Variants in KDM6A observed in about 807,000 individuals in gnomAD.
KDM6A encodes lysine-specific demethylase 6A.
A neutral mutation model predicts 117.6 loss-of-function variants in KDM6A; 11 were observed. The ratio of observed to expected loss-of-function variants is 0.09; its 90% confidence interval spans 0.06 to 0.15. The LOEUF is 0.15. Ranked by LOEUF, KDM6A falls within the 10% of genes least tolerant of loss-of-function variation. The probability of loss-of-function intolerance (pLI) is 1.00; values close to 1 mark genes in which losing one functional copy is unlikely to be tolerated. For missense variants in KDM6A, 799 were observed against 1,077.3 expected (o/e 0.74, Z 3.62); for synonymous variants, 384 against 396.1 (o/e 0.97, Z 0.36).
intron 5 of KDM6A, among the ~76,000 whole-genome samples, chrX:45,016,663 C>T (rs1454837547): frequency 9.0e-6 from 1 of 110,536 alleles, no homozygotes; most frequent in Non-Finnish European, 1.9e-5. Context: ...CCACGCCCAG[C>T]TAATTTTTGT....
chrX:44,928,859 C>T (rs1024435311), intron 2 of KDM6A, among the ~76,000 whole-genome samples: 4 of 111,583 alleles, frequency 3.6e-5, no homozygotes, highest in Non-Finnish European at 5.7e-5. Context: ...TTCAGCAAAC[C>T]TCAAATGCAC....
chrX:45,062,441 G>C (rs1277110609), intron 15 of KDM6A, among the ~76,000 whole-genome samples: 2 of 112,086 alleles, frequency 1.8e-5, no homozygotes, highest in Non-Finnish European at 3.8e-5. Flanking sequence ...AGTAAATCTT[G>C]TTCAGATGAA....
intron 2 of KDM6A, among the ~76,000 whole-genome samples, chrX:44,913,590 A>C (rs1207054118): frequency 9.0e-6 from 1 of 110,916 alleles, no homozygotes; most frequent in Non-Finnish European, 1.9e-5. Flanking sequence ...GACATGAGCC[A>C]CCATGCCCGG....
intron 2 of KDM6A, among the ~76,000 whole-genome samples, chrX:44,917,400 A>G (rs923011918): frequency 8.0e-5 from 9 of 111,843 alleles, no homozygotes; most frequent in Non-Finnish European, 1.5e-4. Context: ...CAACACACAC[A>G]TACCTTGAGA....
chrX:45,037,171 G>A (rs1032119629), intron 7 of KDM6A, among the ~76,000 whole-genome samples: 2 of 112,059 alleles, frequency 1.8e-5, no homozygotes, highest in Non-Finnish European at 3.8e-5. Flanking sequence ...TATTGTCTTT[G>A]TAAAACTTAT....
At chrX:45,030,573 G>T (rs1227085660) in intron 6 of KDM6A, among the ~76,000 whole-genome samples, 2 of 109,150 alleles carry the variant, frequency 1.8e-5, no homozygotes, top group African/African-American at 6.7e-5. Flanking sequence ...TTTCAGTTCT[G>T]TATCTTATTT....
At chrX:44,985,231 A>G (rs2040148673) in intron 4 of KDM6A, among the ~76,000 whole-genome samples, 1 of 111,766 alleles carries the variant, frequency 8.9e-6, no homozygotes, top group Non-Finnish European at 1.9e-5. Flanking sequence ...GTGTATAAGA[A>G]TGCTTATGAT....
chrX:45,034,448 C>A (rs960890043), intron 6 of KDM6A, among the ~76,000 whole-genome samples: 2 of 111,582 alleles, frequency 1.8e-5, no homozygotes, highest in African/African-American at 6.5e-5. Context: ...ATTGAAAGAT[C>A]AATAAAGACA....
intron 8 of KDM6A, among the ~76,000 whole-genome samples, chrX:45,045,085 A>G (rs915768587): frequency 8.9e-6 from 1 of 112,043 alleles, no homozygotes; most frequent in Non-Finnish European, 1.9e-5. Context: ...ATAGGATTTT[A>G]CCATTTTGAC....
chrX:44,966,547 C>T (rs1027894069), intron 3 of KDM6A, among the ~76,000 whole-genome samples: 2 of 110,728 alleles, frequency 1.8e-5, no homozygotes, highest in Non-Finnish European at 3.8e-5. Context: ...ACTGTGTTAG[C>T]AAACTAGCTG....
chrX:45,031,243 C>G (rs1210252139), intron 6 of KDM6A, among the ~76,000 whole-genome samples: 1 of 111,621 alleles, frequency 9.0e-6, no homozygotes, highest in Non-Finnish European at 1.9e-5. Context: ...TGTGTATTCT[C>G]AGAGCAGGTT....
At chrX:44,906,441 G>A (rs1446387990) in intron 2 of KDM6A, among the ~76,000 whole-genome samples, 2 of 110,363 alleles carry the variant, frequency 1.8e-5, no homozygotes, top group African/African-American at 6.6e-5. Flanking sequence ...GTGAGATACC[G>A]TGTATGGCCC....
At chrX:44,965,425 A>T (rs895860790) in intron 3 of KDM6A, among the ~76,000 whole-genome samples, 2 of 112,012 alleles carry the variant, frequency 1.8e-5, no homozygotes, top group Non-Finnish European at 1.9e-5. Context: ...AAGCTTAATG[A>T]TTTCTAGCTT....
intron 15 of KDM6A, among the ~76,000 whole-genome samples, chrX:45,061,639 G>A (rs1209036133): frequency 5.6e-5 from 6 of 107,714 alleles, no homozygotes; most frequent in Non-Finnish European, 1.2e-4. Context: ...TTACAGGCAC[G>A]CACCATCACA....
chrX:45,102,205 C>T (rs185862709), intron 27 of KDM6A, among the ~76,000 whole-genome samples: 90 of 112,010 alleles, frequency 8.0e-4, no homozygotes, highest in Non-Finnish European at 1.4e-3. Flanking sequence ...CAAGAATCAC[C>T]TGGAACTCTT....
At chrX:44,962,857 T>A (rs1165046451) in intron 3 of KDM6A, among the ~76,000 whole-genome samples, 1 of 112,263 alleles carries the variant, frequency 8.9e-6, no homozygotes, top group Non-Finnish European at 1.9e-5. Flanking sequence ...GGTCTTGGCA[T>A]CGTTGTTGAT....
intron 24 of KDM6A, among the ~76,000 whole-genome samples, chrX:45,085,621 A>T (rs960644694): frequency 8.9e-6 from 1 of 111,990 alleles, no homozygotes; most frequent in East Asian, 2.8e-4. Context: ...TCTCTTAACC[A>T]TGATTATACT....
intron 4 of KDM6A, among the ~76,000 whole-genome samples, chrX:45,001,165 A>G (rs1238986914): frequency 8.9e-6 from 1 of 111,813 alleles, no homozygotes; most frequent in Non-Finnish European, 1.9e-5. Flanking sequence ...AACTCATTTT[A>G]AAGAATTTAA....
intron 8 of KDM6A, among the ~76,000 whole-genome samples, chrX:45,050,185 C>A (rs1437288305): frequency 8.9e-6 from 1 of 112,578 alleles, no homozygotes; most frequent in Non-Finnish European, 1.9e-5. Flanking sequence ...ACTAAAAATA[C>A]AAAAGTAGGC....
Sources: gnomAD v4.1 joint callset for allele counts (sites outside exome capture counted in the v4.1 genomes callset) on GRCh38, gnomAD v4.1.1 for gene constraint, MANE v1.5 for transcripts, NCBI Gene and HGNC (gene_info 2026-07-23, HGNC 2026-07-21) for gene names.